FHOD3: variants seen among roughly 807,000 people sequenced by gnomAD.
FHOD3 encodes formin homology 2 domain containing 3.
Under a neutral mutation model 173.0 loss-of-function variants are expected in FHOD3, and 90 were observed. That is an observed-to-expected ratio of 0.52 (90% CI 0.44 to 0.62). The LOEUF is 0.62. FHOD3 is among the 20% of genes least tolerant of loss of function. The probability of loss-of-function intolerance (pLI) is 0.00; values close to 1 mark genes in which losing one functional copy is unlikely to be tolerated. For synonymous variants in FHOD3, 828 were observed against 823.0 expected (o/e 1.01, Z -0.10); for missense variants, 1,945 against 2,034.7 (o/e 0.96, Z 0.85).
intron 3 of FHOD3, among the ~76,000 whole-genome samples, chr18:36,379,651 C>G (rs896583432): frequency 4.6e-5 from 7 of 152,186 alleles, no homozygotes; most frequent in Admixed American, 6.5e-5. Context: ...AGTTAGACTC[C>G]TAAGTTCCTA....
intron 5 of FHOD3, among the ~76,000 whole-genome samples, chr18:36,562,343 T>C (rs1393828356): frequency 6.6e-6 from 1 of 152,172 alleles, no homozygotes; most frequent in East Asian, 1.9e-4. Context: ...ATCTTCATTT[T>C]TAAAAAGTCC....
chr18:36,742,598 C>A, intron 21 of FHOD3, 139 bp from the exon 22 acceptor site: 1 of 936,126 alleles, frequency 1.1e-6, no homozygotes, highest in Admixed American at 2.4e-5. Flanking sequence ...GTTTCCATAC[C>A]TAGGAGCAAT....
At chr18:36,349,884 G>A (rs1429609508) in intron 1 of FHOD3, among the ~76,000 whole-genome samples, 2 of 152,066 alleles carry the variant, frequency 1.3e-5, no homozygotes, top group Non-Finnish European at 2.9e-5. Context: ...TCCTGCCTGA[G>A]CCTCCTGAGT....
chr18:36,630,290 A>T (rs970753849), intron 10 of FHOD3, among the ~76,000 whole-genome samples: 1 of 152,214 alleles, frequency 6.6e-6, no homozygotes, highest in Admixed American at 6.5e-5. Flanking sequence ...AATGTCATGG[A>T]AACAGATTCC....
intron 6 of FHOD3, among the ~76,000 whole-genome samples, chr18:36,589,114 G>C (rs1479958797): frequency 6.6e-6 from 1 of 152,164 alleles, no homozygotes; most frequent in Non-Finnish European, 1.5e-5. Flanking sequence ...GTAAAGCTCA[G>C]CTCAGTAACC....
intron 27 of FHOD3, among the ~76,000 whole-genome samples, chr18:36,764,235 T>G (rs2043044444): frequency 6.6e-6 from 1 of 151,944 alleles, no homozygotes. Flanking sequence ...GGCCAGAAAG[T>G]GAAGAAAACA....
intron 3 of FHOD3, among the ~76,000 whole-genome samples, chr18:36,431,400 C>T (rs763366858): frequency 2.0e-5 from 3 of 152,158 alleles, no homozygotes; most frequent in African/African-American, 4.8e-5. Flanking sequence ...GGAAGCCTGG[C>T]CTGAAAACCT....
chr18:36,513,873 C>T (rs1460805878), intron 5 of FHOD3, among the ~76,000 whole-genome samples: 1 of 151,974 alleles, frequency 6.6e-6, no homozygotes, highest in Non-Finnish European at 1.5e-5. Context: ...TTTGCTGACC[C>T]ATGGTGTGTG....
At chr18:36,600,536 G>C (rs2031224477) in intron 7 of FHOD3, among the ~76,000 whole-genome samples, 1 of 152,186 alleles carries the variant, frequency 6.6e-6, no homozygotes, top group African/African-American at 2.4e-5. Flanking sequence ...TCCTAAGAGT[G>C]TACAAATATA....
At position 36,501,980 on chromosome 18, in the gene FHOD3, C is replaced by G; in HGVS notation, c.386C>G (p.Ser129Cys). 2 of 1,605,478 alleles carry G rather than the reference C, an allele frequency of 1.2e-6. No homozygotes were observed. Among genetic ancestry groups the G allele is most frequent in the Non-Finnish European group, 1.7e-6 (2 of 1,175,296 alleles). ...SGRDLRRALFSLKQIFQDDKD... is the reference protein window; with the variant it reads ...SGRDLRRALFCLKQIFQDDKD... ...CGAGATTTGAGAAGGGCCCTCTTCTCCCTGAAGCAGATATTTCAGGTAAAT... is the reference window on the plus strand; with the variant it reads ...CGAGATTTGAGAAGGGCCCTCTTCTGCCTGAAGCAGATATTTCAGGTAAAT... Residue 129 changes from serine to cysteine, a missense_variant, in exon 4 of 29, where the codon TCC becomes TGC. Ser to Cys is a moderately radical substitution (Grantham distance 112). Coordinates refer to ENST00000590592, the MANE Select transcript of FHOD3 (RefSeq NM_001281740.3).
At chr18:36,462,287 T>C (rs965226935) in intron 3 of FHOD3, among the ~76,000 whole-genome samples, 2 of 148,908 alleles carry the variant, frequency 1.3e-5, no homozygotes, top group African/African-American at 2.4e-5. Flanking sequence ...TTCAGTTCTC[T>C]CGTGTGTGTG....
intron 5 of FHOD3, among the ~76,000 whole-genome samples, chr18:36,536,512 T>A (rs2056999546): frequency 6.6e-6 from 1 of 152,268 alleles, no homozygotes; most frequent in Non-Finnish European, 1.5e-5. Flanking sequence ...CTTTCTGCTC[T>A]GCACACAGCT....
intron 3 of FHOD3, among the ~76,000 whole-genome samples, chr18:36,495,150 A>T (rs2054677282): frequency 6.6e-6 from 1 of 151,818 alleles, no homozygotes; most frequent in African/African-American, 2.4e-5. Flanking sequence ...CAGGTTGCTC[A>T]GTCTAGTCTC....
chr18:36,499,014 G>A (rs1384328033), intron 3 of FHOD3, among the ~76,000 whole-genome samples: 2 of 152,104 alleles, frequency 1.3e-5, no homozygotes, highest in South Asian at 2.1e-4. Context: ...TCTACTTATG[G>A]CATATTTCTG....
intron 3 of FHOD3, among the ~76,000 whole-genome samples, chr18:36,459,541 G>A (rs142224129): frequency 1.3e-5 from 2 of 152,270 alleles, no homozygotes; most frequent in East Asian, 3.9e-4. Context: ...AGACAGCCCT[G>A]TCTGACCTGC....
intron 3 of FHOD3, among the ~76,000 whole-genome samples, chr18:36,491,338 C>T (rs2054461593): frequency 6.6e-6 from 1 of 152,164 alleles, no homozygotes; most frequent in Non-Finnish European, 1.5e-5. Context: ...TCAACCTTCT[C>T]CAATTTCCCA....
At chr18:36,548,127 G>C (rs1018967844) in intron 5 of FHOD3, among the ~76,000 whole-genome samples, 1 of 152,110 alleles carries the variant, frequency 6.6e-6, no homozygotes, top group Non-Finnish European at 1.5e-5. Context: ...AGGAGGCGGA[G>C]GTTGCAGTGA....
At chr18:36,389,269 C>T (rs1031937442) in intron 3 of FHOD3, among the ~76,000 whole-genome samples, 1 of 152,092 alleles carries the variant, frequency 6.6e-6, no homozygotes, top group African/African-American at 2.4e-5. Flanking sequence ...CTTTCTTCTC[C>T]CTTAGGTCAA....
At chr18:36,698,363 T>C (rs2039401409) in intron 17 of FHOD3, among the ~76,000 whole-genome samples, 1 of 152,212 alleles carries the variant, frequency 6.6e-6, no homozygotes, top group Non-Finnish European at 1.5e-5. Flanking sequence ...CTGAAGTGTG[T>C]CTTCTTGCAT....
Sources: gnomAD v4.1 joint callset for allele counts (sites outside exome capture counted in the v4.1 genomes callset) on GRCh38, gnomAD v4.1.1 for gene constraint, MANE v1.5 for transcripts, NCBI Gene and HGNC (gene_info 2026-07-23, HGNC 2026-07-21) for gene names.